The following ZNF618 variants were observed in gnomAD, a reference collection of about 807,000 sequenced individuals.
ZNF618 encodes zinc finger protein 618.
ZNF618 carries 34 observed loss-of-function variants against 103.0 expected under a neutral mutation model. That is an observed-to-expected ratio of 0.33 (90% confidence interval 0.25 to 0.44). The LOEUF is 0.44. Among genes scored for constraint, ZNF618 ranks in the 20% least tolerant of loss-of-function variants. ZNF618 has a pLI of 1.00. For missense variants in ZNF618, 1,059 were observed against 1,295.4 expected, an observed-to-expected ratio of 0.82 and a Z score of 2.80; for synonymous variants, 551 against 542.2, an observed-to-expected ratio of 1.02 and a Z score of -0.23.
intron 1 of ZNF618, among the ~76,000 whole-genome samples, chr9:113,948,138 AC>A (rs1384843904): frequency 6.6e-6 from 1 of 152,134 alleles, no homozygotes; most frequent in African/African-American, 2.4e-5. Flanking sequence ...TGTGGGTCAT[AC>A]ATGCAGTGCG....
intron 1 of ZNF618, among the ~76,000 whole-genome samples, chr9:113,883,980 TGGCCCCCC>T (rs1828777415): frequency 4.1e-5 from 2 of 49,330 alleles, no homozygotes; most frequent in African/African-American, 1.4e-4. Flanking sequence ...TCTCTGGGCT[TGGCCCCCC>T]CCCCCCCCCC....
At chr9:114,026,675 C>T (rs1413025675) in intron 10 of ZNF618, among the ~76,000 whole-genome samples, 1 of 152,248 alleles carries the variant, frequency 6.6e-6, no homozygotes, top group East Asian at 1.9e-4. Context: ...CATCAACAAA[C>T]TTATTATGTC....
At chr9:113,979,031 G>A (rs545593774) in intron 2 of ZNF618, among the ~76,000 whole-genome samples, 1 of 152,278 alleles carries the variant, frequency 6.6e-6, no homozygotes, top group African/African-American at 2.4e-5. Context: ...TTCTGTTTGT[G>A]TCATTGAGCA....
intron 10 of ZNF618, among the ~76,000 whole-genome samples, chr9:114,017,942 A>C (rs781281031): frequency 1.3e-5 from 2 of 151,658 alleles, no homozygotes; most frequent in African/African-American, 2.4e-5. Flanking sequence ...GTGGGTGAGA[A>C]CTCCAGTCCT....
chr9:113,969,429 A>C (rs117424529), intron 2 of ZNF618, among the ~76,000 whole-genome samples: 1 of 152,356 alleles, frequency 6.6e-6, no homozygotes, highest in Non-Finnish European at 1.5e-5. Context: ...GTGAAGCATA[A>C]GACTAGGCAG....
intron 1 of ZNF618, among the ~76,000 whole-genome samples, chr9:113,928,527 G>A (rs752384006): frequency 5.3e-5 from 8 of 152,172 alleles, no homozygotes; most frequent in Non-Finnish European, 7.3e-5. Context: ...TAGAAACAGA[G>A]GTCATGAGGA....
intron 1 of ZNF618, among the ~76,000 whole-genome samples, chr9:113,941,096 T>C (rs911426430): frequency 2.3e-4 from 35 of 152,222 alleles, no homozygotes; most frequent in African/African-American, 8.2e-4. Context: ...CTTGCACTTA[T>C]TGATTTGGAA....
At chr9:113,879,835 C>G (rs1828346343) in intron 1 of ZNF618, among the ~76,000 whole-genome samples, 1 of 150,114 alleles carries the variant, frequency 6.7e-6, no homozygotes. Context: ...CAAGGGCCTG[C>G]TTTATAGTTT....
Position 113,885,154 on chromosome 9 carries a change from G to A in ZNF618, c.33+8741G>A, listed in dbSNP as rs532665530. ...CTGGATTGGATGGTGTCTCTCAGCA[G>A]TGTAAGTGACGTGGCAGTGGGGCAA... On this transcript the variant is annotated intron_variant, in intron 1 of 14. Coordinates refer to ENST00000374126, the MANE Select transcript of ZNF618 (RefSeq NM_001318042.2). 4.1e-4 allele frequency among the ~76,000 whole-genome samples: 62 copies of A among 152,260 alleles called. No individual in the cohort carries two copies. In the Middle Eastern group the frequency reaches 0.014, roughly 33 times the overall value.
At position 113,947,735 on chromosome 9, in the gene ZNF618, G is replaced by A. The variant is rs1362618141; in HGVS notation, c.34-21382G>A. Among the ~76,000 whole-genome samples the A allele has an allele frequency of 2.6e-5, 4 of 152,200 alleles. No individual in the cohort carries two copies. The East Asian group carries it at 5.8e-4, about 22-fold the overall frequency. ...GTGGAGGCTTCCGAGCTGGTTCGAGGTCTCCCCCAGCCTTTTAGAATGTGA... is the reference window on the plus strand; with the variant it reads ...GTGGAGGCTTCCGAGCTGGTTCGAGATCTCCCCCAGCCTTTTAGAATGTGA... On this transcript the variant is annotated intron_variant, in intron 1 of 14. Transcript: ENST00000374126.
At chr9:113,889,533 T>C (rs753955803) in intron 1 of ZNF618, among the ~76,000 whole-genome samples, 1 of 152,228 alleles carries the variant, frequency 6.6e-6, no homozygotes, top group Non-Finnish European at 1.5e-5. Context: ...CACATTGTAT[T>C]GATGGAGGCA....
In ZNF618 at chr9:114,016,752, A is replaced by T. The variant is rs1465091533; in HGVS notation, c.812A>T (p.Tyr271Phe). 3 of 1,613,484 alleles carry T rather than the reference A, an allele frequency of 1.9e-6. No homozygotes were observed. Among genetic ancestry groups the T allele is most frequent in the Non-Finnish European group, 2.5e-6 (3 of 1,179,730 alleles). The change falls in exon 10 of 15, where the codon TAC (tyrosine) becomes TTC (phenylalanine). Residue 271 changes from tyrosine (Y) to phenylalanine (F), a missense_variant. Around this residue, in one of 6 missense-constraint regions of ZNF618, gnomAD observed 434 missense variants for 476.0 expected, o/e 0.91. Transcript: ENST00000374126. ...AAACAGTACAAGTACTACACTCCCTACCAGGAGCATGTGGCCTTACACGCC... is the reference window on the plus strand; with the variant it reads ...AAACAGTACAAGTACTACACTCCCTTCCAGGAGCATGTGGCCTTACACGCC... ...CGKQYKYYTP[Y>F]QEHVALHAPI...
intron 1 of ZNF618, among the ~76,000 whole-genome samples, chr9:113,893,106 G>C (rs1829754095): frequency 6.6e-6 from 1 of 152,238 alleles, no homozygotes; most frequent in African/African-American, 2.4e-5. Flanking sequence ...TCACTGGGCA[G>C]ACTCGCCTTG....
At chr9:114,015,330 AAC>A (rs1363709899) in intron 9 of ZNF618, among the ~76,000 whole-genome samples, 1 of 152,218 alleles carries the variant, frequency 6.6e-6, no homozygotes, top group African/African-American at 2.4e-5. Context: ...GCTGGCTGTA[AAC>A]ACAAAAGGAA....
intron 2 of ZNF618, among the ~76,000 whole-genome samples, chr9:113,986,609 C>T (rs1017281832): frequency 1.3e-5 from 2 of 152,144 alleles, no homozygotes; most frequent in African/African-American, 2.4e-5. Context: ...AGCCACCAAT[C>T]CCCTCATGAA....
At chr9:113,970,166 A>G (rs1014195407) in intron 2 of ZNF618, among the ~76,000 whole-genome samples, 4 of 152,186 alleles carry the variant, frequency 2.6e-5, no homozygotes, top group African/African-American at 9.7e-5. Flanking sequence ...GTGCTTGAGA[A>G]GAGAGAGCCA....
At chr9:113,878,006 C>T (rs1587901540) in intron 1 of ZNF618, among the ~76,000 whole-genome samples, 1 of 151,910 alleles carries the variant, frequency 6.6e-6, no homozygotes, top group Non-Finnish European at 1.5e-5. Flanking sequence ...CCTTTTCTGT[C>T]TTGTTCACCC....
At chr9:113,969,230 T>C in intron 2 of ZNF618, 70 bp downstream of exon 2, 1 of 1,577,364 alleles carries the variant, frequency 6.3e-7, no homozygotes, top group South Asian at 1.1e-5. Flanking sequence ...CAGTTACCAC[T>C]CTCTGGTCCT....
intron 1 of ZNF618, among the ~76,000 whole-genome samples, chr9:113,906,071 G>A (rs540255893): frequency 9.2e-5 from 14 of 152,180 alleles, no homozygotes; most frequent in Admixed American, 2.6e-4. Flanking sequence ...TTCTTACTCC[G>A]TCATGACTAG....
Sources: gnomAD v4.1 joint callset for allele counts (sites outside exome capture counted in the v4.1 genomes callset) on GRCh38, gnomAD v4.1.1 for gene constraint, gnomAD v4.1.1 regional missense constraint, MANE v1.5 for transcripts, NCBI Gene and HGNC (gene_info 2026-07-23, HGNC 2026-07-21) for gene names.